CHRNA10: variants seen among roughly 807,000 people sequenced by gnomAD.
CHRNA10 encodes neuronal acetylcholine receptor subunit alpha-10.
CHRNA10 carries 31 observed loss-of-function variants against 36.0 expected under a neutral mutation model. That is an observed-to-expected ratio of 0.86 (90% confidence interval 0.65 to 1.16). CHRNA10 has a LOEUF of 1.16. Among genes scored for constraint, CHRNA10 ranks in the 50% most tolerant of loss-of-function variants. CHRNA10 has a pLI of 0.00. For synonymous variants in CHRNA10, 302 were observed against 287.0 expected, an observed-to-expected ratio of 1.05 and a Z score of -0.53; for missense variants, 648 against 640.9, an observed-to-expected ratio of 1.01 and a Z score of -0.12.
Position 3,667,389 on chromosome 11 carries a change from G to A in CHRNA10, c.738C>T (p.Pro246=), listed in dbSNP as rs754864013. ...GCGCAAGCAGCGAGATGAGCACGCA[G>A]GGCAGCAGCAGGTTGCACACGTAGG... ...AAAYVCNLLL[P]CVLISLLAPL... The change falls in exon 4 of 5, where the codon CCC becomes CCT. Residue 246 remains proline (P), a synonymous_variant. Transcript: ENST00000250699. 7.5e-6 allele frequency: 12 copies of A among 1,601,514 alleles called. No homozygotes were observed. Among genetic ancestry groups the A allele is most frequent in the Non-Finnish European group, 1.0e-5 (12 of 1,178,318 alleles).
chr11:3,669,794 A>G lies in CHRNA10; in HGVS notation c.207+2T>C, dbSNP rs57724831. ...CACAGCTGTACCACCACCACAACGC[A>G]CCATGTCGATGATCTGGGACAGTGT... On this transcript the variant is annotated splice_donor_variant, in intron 2 of 4. Transcript: ENST00000250699. LOFTEE classifies it high-confidence loss of function. 6.2e-7 allele frequency: 1 copy of G among 1,613,986 alleles called. No individual in the cohort carries two copies. Among genetic ancestry groups the G allele is most frequent in the African/African-American group, 1.3e-5 (1 of 74,906 alleles).
At chr11:3,668,965 C>G (rs923368168) in intron 3 of CHRNA10, 8 of 505,358 alleles carry the variant, frequency 1.6e-5, no homozygotes, top group Non-Finnish European at 1.4e-5. Flanking sequence ...TGCCCTGGAC[C>G]ACACAGTAGG....
intron 1 of CHRNA10, among the ~76,000 whole-genome samples, chr11:3,670,294 G>T (rs954475100): frequency 6.6e-6 from 1 of 152,090 alleles, no homozygotes; most frequent in African/African-American, 2.4e-5. Flanking sequence ...CCACTGCTCT[G>T]CCCCCTCCAG....
intron 2 of CHRNA10, 41 bp from the exon 3 acceptor site, chr11:3,669,391 T>C: frequency 6.3e-7 from 1 of 1,598,018 alleles, no homozygotes. Context: ...GACATGTATA[T>C]GCATATCCTG....
rs759872210 is a variant in CHRNA10 at position 3,667,421 on chromosome 11, CGCG to C, written c.703_705del (p.Arg235del). ...AGCAGGTTGCACACGTAGGCGGCGG[CGCG>C]GCGGCGCAGCAGCAGCGTGAAGGTG... On this transcript the variant is annotated inframe_deletion, in exon 4 of 5. Transcript: ENST00000250699. 1.3e-6 allele frequency: 2 copies of C among 1,596,648 alleles called. No individual in the cohort carries two copies. The highest frequency in any genetic ancestry group is 1.7e-6 in the Non-Finnish European group (2 of 1,176,542).
Position 3,667,238 on chromosome 11 carries a change from G to T in CHRNA10, c.889C>A (p.Leu297Ile). Reference protein sequence around the residue: ...ESMPPAESVPLIGKYYMATMT... With the variant: ...ESMPPAESVPIIGKYYMATMT... ...CCGCGCCCCCGCTGCTCACCGATGA[G>T]CGGCACGCTCTCGGCCGGTGGCATG... Residue 297 changes from leucine (L) to isoleucine (I), a missense_variant, in exon 4 of 5, where the codon CTC (leucine) becomes ATC (isoleucine). Physicochemically the swap from Leu to Ile is conservative, Grantham distance 5. Transcript: ENST00000250699. 6.3e-7 allele frequency: 1 copy of T among 1,582,412 alleles called. No individual in the cohort carries two copies. The highest frequency in any genetic ancestry group is 1.7e-5 in the Admixed American group (1 of 57,550).
Position 3,666,573 on chromosome 11 carries a change from G to C in CHRNA10, c.896-9C>G. The C allele has an allele frequency of 6.6e-7, 1 of 1,516,726 alleles. No individual in the cohort carries two copies. Among genetic ancestry groups the C allele is most frequent in the East Asian group, 2.3e-5 (1 of 43,820 alleles). 94.0% of individuals were successfully genotyped at this position (1,516,726 alleles called of 1,614,324 possible). ...GGCCATGTAGTACTTCCCTGCAAGA[G>C]AGAGAGAAAGCCAATTGACTCAAAA... On this transcript the variant is annotated splice_polypyrimidine_tract_variant and intron_variant, in intron 4 of 4. Transcript: ENST00000250699.
chr11:3,665,883 C>T lies in CHRNA10; in HGVS notation c.*224G>A, dbSNP rs74049384. ...CTGTGATCTTGGCCTTTGTAGAGTT[C>T]CTCTTTTTTTTGGAATTAGGGGAGT... On this transcript the variant is annotated 3_prime_UTR_variant, in exon 5 of 5. Coordinates refer to ENST00000250699, the MANE Select transcript of CHRNA10 (RefSeq NM_020402.4). The T allele has an allele frequency of 4.9e-3, 2,361 of 478,234 alleles. 53 individuals carry two copies. Among genetic ancestry groups the T allele is most frequent in the African/African-American group, 0.041 (2,093 of 51,152 alleles). The allele number at this position is 478,234 out of a possible 1,614,324, so 29.6% of individuals were successfully genotyped here.
intron 2 of CHRNA10, 29 bp from the exon 3 acceptor site, chr11:3,669,379 T>A (rs777045901): frequency 6.2e-7 from 1 of 1,607,350 alleles, no homozygotes; most frequent in Non-Finnish European, 8.5e-7. Context: ...GGCAGAGATG[T>A]GGACATGTAT....
rs1266556704 is a variant in CHRNA10 at position 3,669,786 on chromosome 11, C to T, written c.207+10G>A. On this transcript the variant is annotated intron_variant, in intron 2 of 4. Transcript: ENST00000250699. The stretch of plus-strand genomic sequence containing the variant: ...TAAGACTCCACAGCTGTACCACCAC[C>T]ACAACGCACCATGTCGATGATCTGG... 6.2e-7 allele frequency: 1 copy of T among 1,614,130 alleles called. No individual in the cohort carries two copies. Among genetic ancestry groups the T allele is most frequent in the Admixed American group, 1.7e-5 (1 of 60,034 alleles).
At position 3,666,453 on chromosome 11, in the gene CHRNA10, G is replaced by A; in HGVS notation, c.1007C>T (p.Ala336Val). Residue 336 changes from alanine (A) to valine (V), a missense_variant, in exon 5 of 5, where the codon GCT (alanine) becomes GTT (valine). Transcript: ENST00000250699. ...GPSVRPVPAW[A>V]RALLLGHLAR... ...CAGGTGTCCCAGCAGGAGGGCCCTA[G>A]CCCAGGCTGGCACTGGGCGGACACT... The A allele has an allele frequency of 6.2e-7, 1 of 1,613,804 alleles. No homozygotes were observed. The highest frequency in any genetic ancestry group is 8.5e-7 in the Non-Finnish European group (1 of 1,179,820).
rs1315740497 is a variant in CHRNA10 at position 3,669,322 on chromosome 11, T to C, written c.236A>G (p.Tyr79Cys). 3.1e-6 allele frequency: 5 copies of C among 1,613,906 alleles called. No homozygotes were observed. Among genetic ancestry groups the C allele is most frequent in the Non-Finnish European group, 2.5e-6 (3 of 1,179,960 alleles). ...TGTCCACTCCTGCCGTATCCACAGATACAGGGTCAGCACCTGGTTCCGTTC... is the reference window on the plus strand; with the variant it reads ...TGTCCACTCCTGCCGTATCCACAGACACAGGGTCAGCACCTGGTTCCGTTC... Reference protein sequence around the residue: ...MDERNQVLTLYLWIRQEWTDA... With the variant: ...MDERNQVLTLCLWIRQEWTDA... Residue 79 changes from tyrosine to cysteine, a missense_variant, in exon 3 of 5, where the codon TAT (tyrosine) becomes TGT (cysteine). Tyr to Cys is a radical substitution (Grantham distance 194). Transcript: ENST00000250699.
Position 3,667,518 on chromosome 11 carries a change from G to T in CHRNA10, c.609C>A (p.Arg203=), listed in dbSNP as rs771119230. The change falls in exon 4 of 5, where the codon CGC becomes CGA. Residue 203 remains arginine (R), a synonymous_variant. Coordinates refer to ENST00000250699, the MANE Select transcript of CHRNA10 (RefSeq NM_020402.4). ...LADFVENVEW[R]VLGMPARRRV... ...GCCGCCGCGCCGGCATGCCCAGCAC[G>T]CGCCACTCCACGTTCTCCACGAAGT... The T allele has an allele frequency of 3.2e-6, 5 of 1,585,758 alleles. No homozygotes were observed. In the South Asian group the frequency reaches 5.6e-5, roughly 18 times the overall value.
Position 3,666,084 on chromosome 11 carries a change from T to C in CHRNA10, c.*23A>G, listed in dbSNP as rs760782806. Reference sequence around the variant, plus strand: ...CTGGAGGAGCTGTGGCTGCAGCAGATCCCTGTGACTTAGTCCCAGCCCTCA... The same window carrying C: ...CTGGAGGAGCTGTGGCTGCAGCAGACCCCTGTGACTTAGTCCCAGCCCTCA... On this transcript the variant is annotated 3_prime_UTR_variant, in exon 5 of 5. Transcript: ENST00000250699. The C allele has an allele frequency of 3.3e-6, 5 of 1,511,344 alleles. No homozygotes were observed. The Admixed American group carries it at 9.1e-5, about 28-fold the overall frequency. 93.6% of individuals were successfully genotyped at this position (1,511,344 alleles called of 1,614,324 possible).
chr11:3,670,034 T>G (rs1411376294), intron 1 of CHRNA10, 93 bp from the exon 2 acceptor site: 13 of 1,395,874 alleles, frequency 9.3e-6, no homozygotes, highest in South Asian at 2.4e-5. Flanking sequence ...GCCCTGTCCT[T>G]ATGAGTGTCC....
At chr11:3,669,013 G>C in intron 3 of CHRNA10, 183 bp downstream of exon 3, 1 of 619,530 alleles carries the variant, frequency 1.6e-6, no homozygotes, top group Non-Finnish European at 2.8e-6. Flanking sequence ...GCCTGGGATA[G>C]CCTAAAGTGG....
Position 3,671,325 on chromosome 11 carries a change from G to C in CHRNA10, c.-13C>G. On this transcript the variant is annotated 5_prime_UTR_variant, in exon 1 of 5. Coordinates refer to ENST00000250699, the MANE Select transcript of CHRNA10 (RefSeq NM_020402.4). ...TCCGGAGCCCCATGGCCCTGGCACT[G>C]CAAGAGCGGGGGCAGGTCTCTGGAT... is the stretch of plus-strand genomic sequence containing the variant. 1 of 1,613,858 alleles carries C rather than the reference G, an allele frequency of 6.2e-7. No homozygotes were observed. Among genetic ancestry groups the C allele is most frequent in the Non-Finnish European group, 8.5e-7 (1 of 1,179,810 alleles).
At chr11:3,667,848 A>G (rs1237289208) in intron 3 of CHRNA10, 84 bp from the exon 4 acceptor site, 2 of 1,245,992 alleles carry the variant, frequency 1.6e-6, no homozygotes, top group East Asian at 5.9e-5. Flanking sequence ...GCAGACCCCC[A>G]GGGGCTGAAA....
chr11:3,668,163 A>G (rs1018195784), intron 3 of CHRNA10, among the ~76,000 whole-genome samples: 36 of 152,280 alleles, frequency 2.4e-4, no homozygotes, highest in African/African-American at 8.7e-4. Flanking sequence ...CACTGCCTTC[A>G]GAGAGAAATA....
Sources: allele counts gnomAD v4.1 joint callset (sites outside exome capture counted in the v4.1 genomes callset), GRCh38; gene constraint gnomAD v4.1.1; transcripts MANE v1.5; gene names NCBI Gene and HGNC (gene_info 2026-07-23, HGNC 2026-07-21).